Variants in ANK1 observed in about 807,000 individuals in gnomAD.
The protein encoded by ANK1 is ankyrin-1.
In ANK1, 51 loss-of-function variants were observed where a neutral mutation model predicts 210.4. The ratio of observed to expected loss-of-function variants is 0.24; its 90% CI spans 0.19 to 0.31. ANK1 has a LOEUF of 0.31. Among genes scored for constraint, ANK1 ranks in the 10% least tolerant of loss-of-function variants. The pLI, the probability that ANK1 is intolerant of heterozygous loss-of-function variation, is 1.00. For synonymous variants in ANK1, 967 were observed against 1,025.9 expected, an observed-to-expected ratio of 0.94 and a Z score of 1.10; for missense variants, 2,051 against 2,504.4, an observed-to-expected ratio of 0.82 and a Z score of 3.86.
At position 41,694,245 on chromosome 8, in the gene ANK1, G is replaced by A; in HGVS notation, c.3328-143C>T. 1.1e-6 allele frequency: 1 copy of A among 920,870 alleles called. No individual in the cohort carries two copies. The highest frequency in any genetic ancestry group is 1.7e-5 in the African/African-American group (1 of 60,238). The allele number at this position is 920,870 out of a possible 1,614,324, so 57.0% of individuals were successfully genotyped here. A position where few individuals can be genotyped will look rare whatever the true frequency, so the allele number is the denominator to read the frequency against. On this transcript the variant is annotated intron_variant, in intron 28 of 42. Transcript: ENST00000289734. The surrounding 1 kb of genome is among the most constrained non-coding windows in gnomAD (Gnocchi z 5.7). Reference sequence around the variant, plus strand: ...TGGACCACAGAACCGACACGGTGGAGCTTGCCTTCCTGAGCCCTTTCTCCC... The same window carrying A: ...TGGACCACAGAACCGACACGGTGGAACTTGCCTTCCTGAGCCCTTTCTCCC...
chr8:41,741,629 G>C (rs561376570), intron 2 of ANK1, among the ~76,000 whole-genome samples: 10 of 151,630 alleles, frequency 6.6e-5, no homozygotes, highest in African/African-American at 2.4e-4. Context: ...TCTCTTTCCT[G>C]ACCTCTGCCA....
In ANK1 at chr8:41,856,132, T is replaced by C. The variant is rs1470574357; in HGVS notation, c.126+40223A>G. The stretch of plus-strand genomic sequence containing the variant: ...CAACCTTGCTTGAATCTGGACACGT[T>C]TGAGAAACTGATGAAAGAAATGGCT... On this transcript the variant is annotated intron_variant, in intron 1 of 42. Transcript: ENST00000265709. 5.9e-5 allele frequency among the ~76,000 whole-genome samples: 9 copies of C among 152,308 alleles called. No homozygotes were observed. The East Asian group carries it at 1.5e-3, about 26-fold the overall frequency.
At chr8:41,668,656 C>A (rs1811310214) in intron 38 of ANK1, 92 bp from the exon 39 acceptor site, 1 of 1,353,676 alleles carries the variant, frequency 7.4e-7, no homozygotes. Flanking sequence ...GACACTCTCC[C>A]CACCCAGAGC....
chr8:41,804,318 G>A (rs183350997), intron 1 of ANK1, among the ~76,000 whole-genome samples: 36 of 152,306 alleles, frequency 2.4e-4, no homozygotes, highest in East Asian at 7.7e-4. Flanking sequence ...CAGAAGCCAC[G>A]AGGCTGTCAT....
At chr8:41,751,701 A>AC (rs954010411) in intron 2 of ANK1, among the ~76,000 whole-genome samples, 3 of 151,566 alleles carry the variant, frequency 2.0e-5, no homozygotes, top group Admixed American at 1.3e-4. Flanking sequence ...ATTCAAAGCC[A>AC]CCCCGGGGTC....
chr8:41,864,758 G>A (rs1431329271), intron 1 of ANK1, among the ~76,000 whole-genome samples: 1 of 152,208 alleles, frequency 6.6e-6, no homozygotes, highest in Admixed American at 6.5e-5. Context: ...TGGAACCACG[G>A]CTGAGTGGGT....
intron 1 of ANK1, among the ~76,000 whole-genome samples, chr8:41,869,218 C>T (rs1466525558): frequency 6.6e-6 from 1 of 152,202 alleles, no homozygotes; most frequent in Non-Finnish European, 1.5e-5. Context: ...TCCTTTCCAT[C>T]TCTGATGTTC....
chr8:41,854,196 G>C (rs1364700448), intron 1 of ANK1, among the ~76,000 whole-genome samples: 1 of 152,236 alleles, frequency 6.6e-6, no homozygotes, highest in Non-Finnish European at 1.5e-5. Flanking sequence ...TCCCAGGAGA[G>C]AGAGAACATC....
chr8:41,808,356 C>A (rs1489493021), intron 1 of ANK1, among the ~76,000 whole-genome samples: 1 of 152,128 alleles, frequency 6.6e-6, no homozygotes, highest in African/African-American at 2.4e-5. Context: ...GGCCATGGAA[C>A]CTGGGACATG....
At chr8:41,665,306 A>C (rs1585856804) in intron 39 of ANK1, 1 of 1,408,698 alleles carries the variant, frequency 7.1e-7, no homozygotes, top group East Asian at 3.3e-5. Flanking sequence ...CTATAATTTT[A>C]CCTCCCCAAA....
chr8:41,770,747 G>A (rs988894803), intron 1 of ANK1, among the ~76,000 whole-genome samples: 6 of 152,232 alleles, frequency 3.9e-5, no homozygotes, highest in African/African-American at 1.4e-4. Flanking sequence ...CCAAGAGGAG[G>A]AGAAAGAACA....
At position 41,817,972 on chromosome 8, in the gene ANK1, C is replaced by T. The variant is rs182483997; in HGVS notation, c.127-59835G>A. On this transcript the variant is annotated intron_variant, in intron 1 of 42. Coordinates refer to the ANK1 transcript ENST00000265709. ...GTGCCAGCTGCCAATGGGCTGCACC[C>T]ATGTTTCTGTCCGGCCACATTCTTG... Among the ~76,000 whole-genome samples, 277 of 152,350 alleles carry T rather than the reference C, an allele frequency of 1.8e-3. 3 individuals carry two copies. The highest frequency in any genetic ancestry group is 6.4e-3 in the African/African-American group (267 of 41,582).
intron 1 of ANK1, among the ~76,000 whole-genome samples, chr8:41,894,391 GA>G (rs1277000164): frequency 2.0e-5 from 3 of 148,748 alleles, no homozygotes; most frequent in African/African-American, 7.4e-5. Context: ...ACCACCAAAA[GA>G]AAAAAAAAGA....
intron 2 of ANK1, among the ~76,000 whole-genome samples, chr8:41,754,203 G>A (rs146865271): frequency 2.0e-5 from 3 of 152,328 alleles, no homozygotes; most frequent in African/African-American, 7.2e-5. Context: ...CCATATACAC[G>A]TGGAGATGCA....
At chr8:41,831,649 AAAAAAAGAAG>A (rs1166774746) in intron 1 of ANK1, among the ~76,000 whole-genome samples, 5 of 128,588 alleles carry the variant, frequency 3.9e-5, no homozygotes, top group African/African-American at 1.5e-4. Flanking sequence ...CAAAAAAAAA[AAAAAAAGAAG>A]AAGAAAAAGA....
chr8:41,776,984 G>T (rs1027207148), intron 1 of ANK1, among the ~76,000 whole-genome samples: 3 of 152,158 alleles, frequency 2.0e-5, no homozygotes, highest in Admixed American at 1.3e-4. Flanking sequence ...ATAATTGAAG[G>T]GAACCATTTT....
At chr8:41,740,359 C>T (rs1174669480) in intron 2 of ANK1, among the ~76,000 whole-genome samples, 1 of 151,740 alleles carries the variant, frequency 6.6e-6, no homozygotes, top group Admixed American at 6.6e-5. Flanking sequence ...GGGGTTTCAC[C>T]ATGTTGGCCA....
At chr8:41,858,079 A>G (rs1812554829) in intron 1 of ANK1, among the ~76,000 whole-genome samples, 1 of 152,130 alleles carries the variant, frequency 6.6e-6, no homozygotes, top group African/African-American at 2.4e-5. Flanking sequence ...AATAGTTTTT[A>G]AAAATTATCC....
chr8:41,761,174 C>T (rs1247126647), intron 1 of ANK1, among the ~76,000 whole-genome samples: 2 of 120,278 alleles, frequency 1.7e-5, no homozygotes, highest in Non-Finnish European at 3.9e-5. Context: ...TGCACACATG[C>T]ACACACAGAT....
Sources: allele counts gnomAD v4.1 joint callset (sites outside exome capture counted in the v4.1 genomes callset), GRCh38; gene constraint gnomAD v4.1.1; non-coding constraint Gnocchi (gnomAD v3.1); transcripts MANE v1.5; gene names NCBI Gene and HGNC (gene_info 2026-07-23, HGNC 2026-07-21).